KCNH1: variants seen among roughly 807,000 people sequenced by gnomAD.
KCNH1 encodes the protein voltage-gated delayed rectifier potassium channel KCNH1.
A neutral mutation model predicts 69.2 loss-of-function variants in KCNH1; 27 were observed. The observed-to-expected ratio is 0.39, with a 90% CI of 0.29 to 0.54. The LOEUF (loss-of-function observed/expected upper bound fraction) is 0.54. Ranked by LOEUF, KCNH1 falls within the 20% of genes least tolerant of loss-of-function variation. The pLI is 0.68. For missense variants in KCNH1, 798 were observed against 1,261.6 expected, an observed-to-expected ratio of 0.63 and a Z score of 5.57; for synonymous variants, 456 against 487.7, an observed-to-expected ratio of 0.93 and a Z score of 0.86.
intron 6 of KCNH1, among the ~76,000 whole-genome samples, chr1:210,989,066 T>C (rs1338185784): frequency 6.6e-6 from 1 of 152,210 alleles, no homozygotes; most frequent in East Asian, 1.9e-4. Flanking sequence ...TAGGTTGCTT[T>C]TCCACATATG....
At chr1:210,966,662 C>T (rs945936618) in intron 6 of KCNH1, among the ~76,000 whole-genome samples, 7 of 151,704 alleles carry the variant, frequency 4.6e-5, no homozygotes, top group Non-Finnish European at 1.0e-4. Flanking sequence ...ATCAAAACCA[C>T]GAGATACCAT....
chr1:210,859,627 T>C, intron 7 of KCNH1: 2 of 1,359,014 alleles, frequency 1.5e-6, no homozygotes, highest in South Asian at 2.3e-5. Context: ...TTCATCATCA[T>C]CACTGTCATT....
chr1:210,964,188 A>C (rs12751504), intron 6 of KCNH1, among the ~76,000 whole-genome samples: 52,394 of 152,036 alleles, frequency 0.34, 9,394 homozygotes, highest in Non-Finnish European at 0.38. Context: ...CAGACAAACT[A>C]ATCTTCATAA....
chr1:210,859,532 C>A (rs1313136519), intron 7 of KCNH1: 37 of 1,594,858 alleles, frequency 2.3e-5, no homozygotes, highest in Middle Eastern at 3.3e-4. Flanking sequence ...GCCTGCTTAG[C>A]CAGAATCTCC....
At chr1:211,096,412 T>C (rs1193801674) in intron 3 of KCNH1, among the ~76,000 whole-genome samples, 1 of 152,164 alleles carries the variant, frequency 6.6e-6, no homozygotes, top group Non-Finnish European at 1.5e-5. Context: ...TTCTCACCTG[T>C]AAGATGGAAA....
chr1:210,740,703 AATTTTTTT>A, intron 10 of KCNH1, among the ~76,000 whole-genome samples: 1 of 135,602 alleles, frequency 7.4e-6, no homozygotes, highest in Admixed American at 7.4e-5. Context: ...TTTATGATTA[AATTTTTTT>A]TTTTTTTTTT....
rs1324407998 is a variant in KCNH1 at position 210,683,270 on chromosome 1, A to T, written c.*11T>A. 6 of 1,604,538 alleles carry T rather than the reference A, an allele frequency of 3.7e-6. No homozygotes were observed. The Admixed American group carries it at 5.2e-5, about 14-fold the overall frequency. ...GGTATCTGTCTCTGACTTTTTTTTT[A>T]AATAGACCTCTCAGCTGGCTCCAAA... On this transcript the variant is annotated 3_prime_UTR_variant, in exon 11 of 11. Coordinates refer to ENST00000271751, the MANE Select transcript of KCNH1 (RefSeq NM_172362.3). The surrounding 1 kb of genome is among the most constrained non-coding windows in gnomAD (Gnocchi z 5.7).
At chr1:210,729,313 T>A (rs771816212) in intron 10 of KCNH1, among the ~76,000 whole-genome samples, 1 of 152,158 alleles carries the variant, frequency 6.6e-6, no homozygotes, top group Non-Finnish European at 1.5e-5. Flanking sequence ...TAAGAAATTA[T>A]CAAGAAAAAA....
chr1:210,917,672 G>C (rs1209455698), intron 7 of KCNH1, among the ~76,000 whole-genome samples: 1 of 152,132 alleles, frequency 6.6e-6, no homozygotes, highest in East Asian at 1.9e-4. Context: ...ATACAATGAG[G>C]TATTTCGACT....
chr1:210,979,610 G>A (rs77276487), intron 6 of KCNH1, among the ~76,000 whole-genome samples: 4,100 of 152,082 alleles, frequency 0.027, 186 homozygotes, highest in African/African-American at 0.092. Context: ...ATGTATGTTT[G>A]ATATAATAAA....
intron 7 of KCNH1, among the ~76,000 whole-genome samples, chr1:210,913,024 G>A (rs1389936517): frequency 1.3e-5 from 2 of 152,228 alleles, no homozygotes; most frequent in African/African-American, 4.8e-5. Flanking sequence ...GGCATGAAGT[G>A]ACAGAGGGTT....
intron 10 of KCNH1, among the ~76,000 whole-genome samples, chr1:210,730,849 A>T (rs1480602924): frequency 6.6e-6 from 1 of 152,190 alleles, no homozygotes; most frequent in African/African-American, 2.4e-5. Context: ...GCCCAACCAT[A>T]ATCAAACCAA....
At chr1:211,115,468 A>G (rs968497274) in intron 1 of KCNH1, among the ~76,000 whole-genome samples, 1 of 152,140 alleles carries the variant, frequency 6.6e-6, no homozygotes, top group African/African-American at 2.4e-5. Context: ...TCTGGTGGGC[A>G]CCATCTAATC....
At chr1:210,969,448 A>G (rs973563273) in intron 6 of KCNH1, among the ~76,000 whole-genome samples, 1 of 152,110 alleles carries the variant, frequency 6.6e-6, no homozygotes, top group Admixed American at 6.6e-5. Flanking sequence ...TAGAAGTTAT[A>G]TGCCACTTCA....
intron 6 of KCNH1, among the ~76,000 whole-genome samples, chr1:210,949,798 A>T (rs1688029130): frequency 6.6e-6 from 1 of 152,208 alleles, no homozygotes. Flanking sequence ...GCTGGTGCAA[A>T]GTAATTATAT....
At chr1:210,728,445 A>G (rs956035712) in intron 10 of KCNH1, among the ~76,000 whole-genome samples, 2 of 152,386 alleles carry the variant, frequency 1.3e-5, no homozygotes, top group Middle Eastern at 3.4e-3. Context: ...ATGAAGACCA[A>G]TGGTGAAATA....
intron 7 of KCNH1, among the ~76,000 whole-genome samples, chr1:210,887,400 A>G (rs867019072): frequency 6.3e-4 from 96 of 152,324 alleles, no homozygotes; most frequent in Non-Finnish European, 6.2e-4. Flanking sequence ...AGGAAGCACT[A>G]AATATGGAAA....
At chr1:211,026,436 A>G (rs1222380655) in intron 5 of KCNH1, among the ~76,000 whole-genome samples, 1 of 151,688 alleles carries the variant, frequency 6.6e-6, no homozygotes, top group East Asian at 1.9e-4. Flanking sequence ...AGCCAAAAGG[A>G]GTGGAAAATG....
intron 6 of KCNH1, among the ~76,000 whole-genome samples, chr1:210,969,914 T>A (rs1688480879): frequency 6.6e-6 from 1 of 152,128 alleles, no homozygotes; most frequent in Non-Finnish European, 1.5e-5. Context: ...TTTTTGTTTT[T>A]GAGACAGGGT....
Sources: allele counts gnomAD v4.1 joint callset (sites outside exome capture counted in the v4.1 genomes callset), GRCh38; gene constraint gnomAD v4.1.1; non-coding constraint Gnocchi (gnomAD v3.1); transcripts MANE v1.5; gene names NCBI Gene and HGNC (gene_info 2026-07-23, HGNC 2026-07-21).